ARNT2: variants seen among roughly 807,000 people sequenced by gnomAD.
The protein encoded by ARNT2 is ARNT protein 2.
A neutral mutation model predicts 91.7 loss-of-function variants in ARNT2; 36 were observed. The ratio of observed to expected loss-of-function variants is 0.39; its 90% CI spans 0.30 to 0.52. The LOEUF is 0.52. Ranked by LOEUF, ARNT2 falls within the 20% of genes least tolerant of loss-of-function variation. The pLI is 0.72. For synonymous variants in ARNT2, 365 were observed against 347.1 expected (o/e 1.05, Z -0.57); for missense variants, 775 against 939.3 (o/e 0.83, Z 2.29).
intron 1 of ARNT2, among the ~76,000 whole-genome samples, chr15:80,418,947 C>T (rs1345748194): frequency 3.3e-5 from 5 of 152,118 alleles, no homozygotes; most frequent in Admixed American, 3.3e-4. Context: ...GCTGGGAATA[C>T]ACTGGGTGGA....
chr15:80,569,152 A>G (rs1898539642), intron 12 of ARNT2, among the ~76,000 whole-genome samples: 1 of 152,164 alleles, frequency 6.6e-6, no homozygotes, highest in African/African-American at 2.4e-5. Context: ...GCTACCTCAG[A>G]ATGCCCGCTT....
At chr15:80,465,890 G>T (rs779305056) in intron 3 of ARNT2, among the ~76,000 whole-genome samples, 2 of 151,676 alleles carry the variant, frequency 1.3e-5, no homozygotes, top group Admixed American at 6.6e-5. Flanking sequence ...ACCTTTTAGT[G>T]TACAAGGAAA....
intron 1 of ARNT2, among the ~76,000 whole-genome samples, chr15:80,406,669 C>A (rs963811804): frequency 6.6e-6 from 1 of 152,150 alleles, no homozygotes; most frequent in African/African-American, 2.4e-5. Context: ...CCTTGGACTG[C>A]GGGAGACTTG....
At chr15:80,546,835 C>T (rs997351558) in intron 8 of ARNT2, among the ~76,000 whole-genome samples, 2 of 151,740 alleles carry the variant, frequency 1.3e-5, no homozygotes, top group Admixed American at 6.6e-5. Context: ...CGGTGGCAGG[C>T]GCCTGTAATC....
intron 2 of ARNT2, among the ~76,000 whole-genome samples, chr15:80,453,255 A>C (rs756296958): frequency 1.4e-4 from 21 of 152,244 alleles, no homozygotes; most frequent in Non-Finnish European, 5.9e-5. Context: ...GAGGATGAGC[A>C]GCAATTGCTG....
intron 8 of ARNT2, among the ~76,000 whole-genome samples, chr15:80,548,353 A>C (rs765758956): frequency 3.3e-5 from 5 of 152,222 alleles, no homozygotes; most frequent in African/African-American, 9.6e-5. Context: ...AAGCCCTGAG[A>C]CATTTCCACT....
chr15:80,448,045 G>T (rs1896330683), intron 1 of ARNT2, among the ~76,000 whole-genome samples: 1 of 152,044 alleles, frequency 6.6e-6, no homozygotes, highest in South Asian at 2.1e-4. Context: ...GCATAATCAT[G>T]ATCATTTTAA....
At chr15:80,460,525 GGCCC>G (rs1430756486) in intron 3 of ARNT2, among the ~76,000 whole-genome samples, 1 of 152,190 alleles carries the variant, frequency 6.6e-6, no homozygotes, top group Non-Finnish European at 1.5e-5. Context: ...AATGTTCTCA[GGCCC>G]GCTCCACCAC....
At chr15:80,470,463 C>A (rs8033507) in intron 4 of ARNT2, 32 bp downstream of exon 4, 6 of 1,602,370 alleles carry the variant, frequency 3.7e-6, no homozygotes, top group African/African-American at 1.3e-5. Flanking sequence ...CATTGGAAAG[C>A]GGGGGGAATC....
At chr15:80,568,614 T>A (rs1420204721) in intron 12 of ARNT2, among the ~76,000 whole-genome samples, 1 of 152,212 alleles carries the variant, frequency 6.6e-6, no homozygotes, top group Admixed American at 6.5e-5. Context: ...AAAGGAAGGC[T>A]GCTTTCCTGG....
intron 5 of ARNT2, among the ~76,000 whole-genome samples, chr15:80,482,741 C>T (rs113034333): frequency 1.4e-4 from 21 of 152,178 alleles, no homozygotes; most frequent in African/African-American, 4.6e-4. Context: ...GAGCACTTCT[C>T]AAAGTGTAGT....
intron 1 of ARNT2, among the ~76,000 whole-genome samples, chr15:80,413,685 A>G (rs907716376): frequency 2.0e-5 from 3 of 152,210 alleles, no homozygotes; most frequent in African/African-American, 7.2e-5. Context: ...CAGCCTGGGA[A>G]GATTCAGGGG....
chr15:80,541,776 T>A (rs188675686), intron 8 of ARNT2, among the ~76,000 whole-genome samples: 1 of 152,354 alleles, frequency 6.6e-6, no homozygotes, highest in East Asian at 1.9e-4. Context: ...GATGACAATA[T>A]GTAGATTGCA....
intron 3 of ARNT2, among the ~76,000 whole-genome samples, chr15:80,460,454 A>G (rs1896536191): frequency 2.0e-5 from 3 of 152,328 alleles, no homozygotes; most frequent in African/African-American, 7.2e-5. Context: ...ACACACAAGC[A>G]CGCACATGCA....
intron 10 of ARNT2, among the ~76,000 whole-genome samples, chr15:80,553,584 T>G (rs954319454): frequency 1.2e-4 from 19 of 152,122 alleles, no homozygotes; most frequent in South Asian, 4.2e-4. Context: ...AGTATATACA[T>G]GCATATGTAT....
rs1898403194 is a variant in ARNT2 at position 80,563,240 on chromosome 15, G to C, written c.1316+1G>C. ...TCATCTGCACCAACACCAACGTCAA[G>C]TACGTACACTGCCATTTCCCTCTCC... is the stretch of plus-strand genomic sequence containing the variant. On this transcript the variant is annotated splice_donor_variant, in intron 12 of 18. Transcript: ENST00000303329. LOFTEE classifies it high-confidence loss of function. 9.3e-6 allele frequency: 15 copies of C among 1,614,096 alleles called. No homozygotes were observed. Among genetic ancestry groups the C allele is most frequent in the Non-Finnish European group, 1.3e-5 (15 of 1,180,016 alleles).
chr15:80,404,556 G>A lies in ARNT2; in HGVS notation c.31+10G>A, dbSNP rs1022618236. 1.8e-6 allele frequency: 2 copies of A among 1,131,982 alleles called. No homozygotes were observed. Among genetic ancestry groups the A allele is most frequent in the African/African-American group, 3.3e-5 (2 of 59,788 alleles). The allele number at this position is 1,131,982 out of a possible 1,614,324, so 70.1% of individuals were successfully genotyped here. On this transcript the variant is annotated intron_variant, in intron 1 of 18. Coordinates refer to ENST00000303329, the MANE Select transcript of ARNT2 (RefSeq NM_014862.4). The surrounding 1 kb of genome is among the most constrained non-coding windows in gnomAD (Gnocchi z 5.5). The stretch of plus-strand genomic sequence containing the variant: ...GCGGTCAACCCTCCGGGTGAGTAGC[G>A]GCCTGGGCCCCGCCGCCCGCCGCAG...
At chr15:80,540,377 G>A (rs1897887086) in intron 8 of ARNT2, among the ~76,000 whole-genome samples, 1 of 152,148 alleles carries the variant, frequency 6.6e-6, no homozygotes, top group African/African-American at 2.4e-5. Flanking sequence ...GTATCTCACT[G>A]TGGAATTGAT....
At position 80,593,705 on chromosome 15, in the gene ARNT2, C is replaced by A. The variant is rs184642147; in HGVS notation, c.*7C>A. Reference sequence around the variant, plus strand: ...TCCACCGTTTTCTGAGTAGCTGCGGCCAGAGTGAGGCTCCTGCTGTACAGT... The same window carrying A: ...TCCACCGTTTTCTGAGTAGCTGCGGACAGAGTGAGGCTCCTGCTGTACAGT... On this transcript the variant is annotated 3_prime_UTR_variant, in exon 19 of 19. Transcript: ENST00000303329. The A allele has an allele frequency of 6.3e-7, 1 of 1,595,598 alleles. No homozygotes were observed. The highest frequency in any genetic ancestry group is 2.2e-5 in the East Asian group (1 of 44,550).
Sources: allele counts gnomAD v4.1 joint callset (sites outside exome capture counted in the v4.1 genomes callset), GRCh38; gene constraint gnomAD v4.1.1; non-coding constraint Gnocchi (gnomAD v3.1); transcripts MANE v1.5; gene names NCBI Gene and HGNC (gene_info 2026-07-23, HGNC 2026-07-21).